The following GPATCH2 variants were observed in gnomAD, a reference collection of about 807,000 sequenced individuals.
GPATCH2 encodes the protein G patch domain-containing protein 2.
GPATCH2 carries 51 observed loss-of-function variants against 58.0 expected under a neutral mutation model. The ratio of observed to expected loss-of-function variants is 0.88; its 90% CI spans 0.70 to 1.11. GPATCH2 has a LOEUF of 1.11. Among genes scored for constraint, GPATCH2 ranks in the 50% most tolerant of loss-of-function variants. The probability of loss-of-function intolerance (pLI) is 0.00; values close to 1 mark genes in which losing one functional copy is unlikely to be tolerated. For missense variants in GPATCH2, 625 were observed against 652.2 expected (o/e 0.96, Z 0.45); for synonymous variants, 222 against 218.5 (o/e 1.02, Z -0.14).
chr1:217,485,064 A>T (rs1661397088), intron 8 of GPATCH2, among the ~76,000 whole-genome samples: 1 of 152,150 alleles, frequency 6.6e-6, no homozygotes, highest in South Asian at 2.1e-4. Flanking sequence ...TGGTCTGCAA[A>T]ATGGAGAAGT....
chr1:217,604,987 G>A (rs1226729341), intron 5 of GPATCH2, among the ~76,000 whole-genome samples: 1 of 151,942 alleles, frequency 6.6e-6, no homozygotes, highest in African/African-American at 2.4e-5. Context: ...ATCTGCCACT[G>A]CACTCCAGCC....
At chr1:217,518,015 G>A (rs1048844768) in intron 5 of GPATCH2, among the ~76,000 whole-genome samples, 3 of 151,970 alleles carry the variant, frequency 2.0e-5, no homozygotes, top group Non-Finnish European at 4.4e-5. Flanking sequence ...CACATTACAC[G>A]CCCTGAATTC....
intron 5 of GPATCH2, among the ~76,000 whole-genome samples, chr1:217,607,510 A>G (rs1668418486): frequency 6.6e-6 from 1 of 152,174 alleles, no homozygotes; most frequent in Admixed American, 6.5e-5. Context: ...AGCTTTGTTC[A>G]GCCGTAAGTT....
intron 8 of GPATCH2, among the ~76,000 whole-genome samples, chr1:217,487,625 C>T (rs1661516338): frequency 1.3e-5 from 2 of 152,050 alleles, no homozygotes; most frequent in Non-Finnish European, 2.9e-5. Context: ...AGGGTTTCAC[C>T]ATTTTGGCCA....
rs531665779 is a variant in GPATCH2 at position 217,573,227 on chromosome 1, A to G, written c.1098+37094T>C. Among the ~76,000 whole-genome samples, 4 of 152,284 alleles carry G rather than the reference A, an allele frequency of 2.6e-5. No individual in the cohort carries two copies. The South Asian group carries it at 8.3e-4, about 32-fold the overall frequency. Reference sequence around the variant, plus strand: ...CCTCCAATGGCTCTTTGTGCACTCAAAATTAACCCCACTATCACAGTGTTT... The same window carrying G: ...CCTCCAATGGCTCTTTGTGCACTCAGAATTAACCCCACTATCACAGTGTTT... On this transcript the variant is annotated intron_variant, in intron 5 of 9. Coordinates refer to ENST00000366935, the MANE Select transcript of GPATCH2 (RefSeq NM_018040.5).
At chr1:217,557,773 T>C (rs1275808103) in intron 5 of GPATCH2, among the ~76,000 whole-genome samples, 1 of 152,204 alleles carries the variant, frequency 6.6e-6, no homozygotes. Flanking sequence ...TCTGTTCCAC[T>C]TGTTTATTTT....
Position 217,537,801 on chromosome 1 carries a change from T to C in GPATCH2, c.1099-22912A>G, listed in dbSNP as rs115539205. Among the ~76,000 whole-genome samples, 1,443 of 152,308 alleles carry C rather than the reference T, an allele frequency of 9.5e-3. 26 individuals are homozygous for C. Among genetic ancestry groups the C allele is most frequent in the African/African-American group, 0.033 (1,391 of 41,572 alleles). On this transcript the variant is annotated intron_variant, in intron 5 of 9. Transcript: ENST00000366935. ...CTGGATAATTCTAACAATTTCAAAT[T>C]GACAATAACATCATTCAAGATTTTC...
intron 8 of GPATCH2, among the ~76,000 whole-genome samples, chr1:217,460,901 A>T (rs1370960586): frequency 6.6e-6 from 1 of 152,252 alleles, no homozygotes; most frequent in East Asian, 1.9e-4. Context: ...GTCCCCACTC[A>T]TTCAAGAGAG....
At chr1:217,473,295 G>GTGTC (rs1182537163) in intron 8 of GPATCH2, among the ~76,000 whole-genome samples, 105 of 149,058 alleles carry the variant, frequency 7.0e-4, no homozygotes, top group African/African-American at 2.5e-3. Context: ...GTGTGTGTGT[G>GTGTC]TGTGTGTGTG....
At chr1:217,495,467 G>A (rs1239653697) in intron 7 of GPATCH2, among the ~76,000 whole-genome samples, 1 of 152,084 alleles carries the variant, frequency 6.6e-6, no homozygotes, top group Admixed American at 6.6e-5. Flanking sequence ...AAAATTAAAA[G>A]GGGAACTAAG....
chr1:217,437,748 TA>T (rs1225550687), intron 9 of GPATCH2, among the ~76,000 whole-genome samples: 1 of 152,180 alleles, frequency 6.6e-6, no homozygotes, highest in Non-Finnish European at 1.5e-5. Context: ...GGCTTATAGA[TA>T]AAAAACCCCA....
At chr1:217,509,406 C>A (rs1302309970) in intron 6 of GPATCH2, among the ~76,000 whole-genome samples, 1 of 152,168 alleles carries the variant, frequency 6.6e-6, no homozygotes, top group Non-Finnish European at 1.5e-5. Flanking sequence ...TGTACCCCTA[C>A]CTCACCCGCT....
intron 5 of GPATCH2, among the ~76,000 whole-genome samples, chr1:217,520,889 T>C (rs935661808): frequency 6.6e-6 from 1 of 152,174 alleles, no homozygotes. Context: ...CAAGCGTGAG[T>C]ACTCACAACT....
chr1:217,457,317 A>G (rs760146730), intron 8 of GPATCH2, among the ~76,000 whole-genome samples: 10 of 152,220 alleles, frequency 6.6e-5, no homozygotes, highest in Non-Finnish European at 1.2e-4. Context: ...GCTTTTTATC[A>G]GCCTTTGGCA....
Position 217,432,156 on chromosome 1 carries a change from C to T in GPATCH2, c.1367-791G>A, listed in dbSNP as rs1433618327. ...GATATATTTCTTCCTTCCCTTCCCT[C>T]CCTCCTTCCCTCCTTCCCTCCCTTG... On this transcript the variant is annotated intron_variant, in intron 9 of 9. Transcript: ENST00000366935. Among the ~76,000 whole-genome samples, 3 of 151,958 alleles carry T rather than the reference C, an allele frequency of 2.0e-5. No homozygotes were observed. In the East Asian group the frequency reaches 5.8e-4, roughly 29 times the overall value.
chr1:217,438,664 G>C (rs771840342), intron 9 of GPATCH2, among the ~76,000 whole-genome samples: 3 of 152,072 alleles, frequency 2.0e-5, no homozygotes, highest in Non-Finnish European at 2.9e-5. Flanking sequence ...GACAAGATTA[G>C]AGAAAAAAGA....
chr1:217,486,389 A>G (rs1394802395), intron 8 of GPATCH2, among the ~76,000 whole-genome samples: 1 of 152,048 alleles, frequency 6.6e-6, no homozygotes, highest in Non-Finnish European at 1.5e-5. Context: ...GTTCTTGTCA[A>G]ATGTCTTTTT....
At chr1:217,533,752 T>C (rs1312739994) in intron 5 of GPATCH2, among the ~76,000 whole-genome samples, 1 of 152,246 alleles carries the variant, frequency 6.6e-6, no homozygotes, top group Non-Finnish European at 1.5e-5. Flanking sequence ...TTCTGAATCA[T>C]GTATAACAGA....
At chr1:217,462,081 T>G (rs1028990249) in intron 8 of GPATCH2, among the ~76,000 whole-genome samples, 1 of 152,172 alleles carries the variant, frequency 6.6e-6, no homozygotes, top group Non-Finnish European at 1.5e-5. Context: ...TTAACTTATA[T>G]TCAGGATAGT....
Sources: gnomAD v4.1 joint callset for allele counts (sites outside exome capture counted in the v4.1 genomes callset) on GRCh38, gnomAD v4.1.1 for gene constraint, MANE v1.5 for transcripts, NCBI Gene and HGNC (gene_info 2026-07-23, HGNC 2026-07-21) for gene names.